The following DNAAF8 variants were observed in gnomAD, a reference collection of about 807,000 sequenced individuals.
DNAAF8 encodes the protein dynein axonemal-associated protein 1.
DNAAF8 carries 61 observed loss-of-function variants against 54.6 expected under a neutral mutation model. The ratio of observed to expected loss-of-function variants is 1.12; its 90% CI spans 0.91 to 1.38. The LOEUF (loss-of-function observed/expected upper bound fraction) is 1.38, where lower values mean the gene tolerates loss of function less well. Ranked by LOEUF, DNAAF8 falls within the 40% of genes most tolerant of loss-of-function variation. The probability of loss-of-function intolerance (pLI) is 0.00; values close to 1 mark genes in which losing one functional copy is unlikely to be tolerated. For missense variants in DNAAF8, 837 were observed against 665.0 expected (o/e 1.26, Z -2.85); for synonymous variants, 320 against 270.1 (o/e 1.18, Z -1.81).
chr16:4,738,635 C>T (rs1412032675), intron 3 of DNAAF8, among the ~76,000 whole-genome samples: 1 of 152,194 alleles, frequency 6.6e-6, no homozygotes, highest in African/African-American at 2.4e-5. Context: ...GTAATCCCAG[C>T]ATTTTAGGAG....
chr16:4,746,196 G>A (rs2082015610), intron 6 of DNAAF8, 179 bp from the exon 7 acceptor site: 1 of 603,858 alleles, frequency 1.7e-6, no homozygotes, highest in South Asian at 2.6e-5. Flanking sequence ...GCCAGTGGTG[G>A]CCTAAATCTC....
Position 4,740,586 on chromosome 16 carries a change from C to T in DNAAF8, c.710C>T (p.Ala237Val), listed in dbSNP as rs375321614. The change falls in exon 4 of 10, where the codon GCT becomes GTT. Residue 237 changes from alanine to valine, a missense_variant. Ala to Val is a moderately conservative substitution (Grantham distance 64, BLOSUM62 0). Transcript: ENST00000299320. ...KGGVKEAPCHAAESAPRSKMP... is the reference protein window; with the variant it reads ...KGGVKEAPCHVAESAPRSKMP... ...GGGGTGAAGGAGGCGCCCTGCCACG[C>T]TGCGGAGTCAGCTCCCAGATCCAAA... 2.9e-5 allele frequency: 47 copies of T among 1,613,314 alleles called. No individual in the cohort carries two copies. The highest frequency in any genetic ancestry group is 4.0e-5 in the Non-Finnish European group (47 of 1,180,010).
intron 5 of DNAAF8, 57 bp from the exon 6 acceptor site, chr16:4,744,813 G>GT (rs2081992585): frequency 2.6e-6 from 4 of 1,563,390 alleles, no homozygotes; most frequent in South Asian, 1.1e-5. Flanking sequence ...TCCAGCTGCT[G>GT]TAAGTCACAA....
chr16:4,745,944 C>A (rs1471102907), intron 6 of DNAAF8, among the ~76,000 whole-genome samples: 2 of 128,360 alleles, frequency 1.6e-5, no homozygotes, highest in Non-Finnish European at 3.3e-5. Flanking sequence ...CAGAGCAAGA[C>A]TCTGTCTCAA....
rs2082028944 is a variant in DNAAF8, at chr16:4,747,227, G to T, written c.1281-116G>T. On this transcript the variant is annotated intron_variant, in intron 8 of 9. Coordinates refer to ENST00000299320, the MANE Select transcript of DNAAF8 (RefSeq NM_139170.3). ...GCAGCAGTGATGGGCTGCCTGAATT[G>T]CATTCTTGCTCTGAAATGGGAGCTG... is the stretch of plus-strand genomic sequence containing the variant. 7 of 1,351,252 alleles carry T rather than the reference G, an allele frequency of 5.2e-6. No homozygotes were observed. The Admixed American group carries it at 6.9e-5, about 13-fold the overall frequency. The allele number at this position is 1,351,252 out of a possible 1,614,324, so 83.7% of individuals were successfully genotyped here. A position where few individuals can be genotyped will look rare whatever the true frequency, so the allele number is the denominator to read the frequency against.
In DNAAF8 at chr16:4,743,096, A is replaced by G. The variant is rs778857131; in HGVS notation, c.837A>G (p.Glu279=). ...DDILQSLAGQ[E]DNQGNRAPGT... ...TCCTTCAGAGTCTGGCGGGACAAGA[A>G]GACAACCAGGGAAATCGTGCACCTG... Residue 279 remains glutamate, a synonymous_variant, in exon 5 of 10, where the codon GAA becomes GAG. Transcript: ENST00000299320. 4.7e-5 allele frequency: 75 copies of G among 1,612,666 alleles called. No individual in the cohort carries two copies. The highest frequency in any genetic ancestry group is 6.1e-5 in the Non-Finnish European group (72 of 1,179,464).
chr16:4,738,279 T>C (rs1282118636), intron 3 of DNAAF8, among the ~76,000 whole-genome samples: 2 of 152,070 alleles, frequency 1.3e-5, no homozygotes, highest in East Asian at 3.9e-4. Flanking sequence ...CCTAATTGTC[T>C]CTCCCTTAAC....
In DNAAF8 at chr16:4,743,150, C is replaced by A. The variant is rs763626655; in HGVS notation, c.891C>A (p.Arg297=). 1 of 1,601,926 alleles carries A rather than the reference C, an allele frequency of 6.2e-7. No individual in the cohort carries two copies. The highest frequency in any genetic ancestry group is 8.5e-7 in the Non-Finnish European group (1 of 1,172,502). The change falls in exon 5 of 10, where the codon CGC becomes CGA. Residue 297 remains arginine (R), a synonymous_variant. Coordinates refer to ENST00000299320, the MANE Select transcript of DNAAF8 (RefSeq NM_139170.3). The part of the protein sequence containing the change: ...PGTVWWAADH[R]QVQDRMVPSA... ...CTGTGTGGTGGGCAGCTGACCACCGCCAAGTTCAAGGTCTGACCTTGAACA... is the reference window on the plus strand; with the variant it reads ...CTGTGTGGTGGGCAGCTGACCACCGACAAGTTCAAGGTCTGACCTTGAACA...
rs551704306 is a variant in DNAAF8, at chr16:4,746,991, G to A, written c.1246G>A (p.Ala416Thr). 4.4e-5 allele frequency: 67 copies of A among 1,540,022 alleles called. No homozygotes were observed. In the South Asian group the frequency reaches 5.4e-4, roughly 12 times the overall value. Residue 416 changes from alanine to threonine, a missense_variant, in exon 8 of 10, where the codon GCA becomes ACA. Physicochemically the swap from Ala to Thr is moderately conservative, Grantham distance 58. Coordinates refer to ENST00000299320, the MANE Select transcript of DNAAF8 (RefSeq NM_139170.3). ...GGAAGAGATGGCAGCTCTGGGAGAC[G>A]CAGAGGGGGCATCTCCTTCCTCCCT... Reference protein sequence around the residue: ...EEEEMAALGDAEGASPSSLGL... With the variant: ...EEEEMAALGDTEGASPSSLGL...
chr16:4,746,437 G>A lies in DNAAF8; in HGVS notation c.1106G>A (p.Arg369Lys). 2 of 1,613,674 alleles carry A rather than the reference G, an allele frequency of 1.2e-6. No individual in the cohort carries two copies. The highest frequency in any genetic ancestry group is 2.2e-5 in the East Asian group (1 of 44,886). The change falls in exon 7 of 10, where the codon AGG becomes AAG. Residue 369 changes from arginine (R) to lysine (K), a missense_variant. By Grantham distance (26) the Arg-to-Lys change is conservative (BLOSUM62 2). Coordinates refer to ENST00000299320, the MANE Select transcript of DNAAF8 (RefSeq NM_139170.3). ...GPGPQLAQGM[R>K]LNAESPTIFI... Reference sequence around the variant, plus strand: ...GGCCCGCAGCTGGCCCAGGGCATGAGGCTTAACGCAGAGTCCCCCACCATC... The same window carrying A: ...GGCCCGCAGCTGGCCCAGGGCATGAAGCTTAACGCAGAGTCCCCCACCATC...
chr16:4,738,089 C>T (rs758725603), intron 3 of DNAAF8, 143 bp downstream of exon 3: 31 of 1,078,070 alleles, frequency 2.9e-5, no homozygotes, highest in Non-Finnish European at 3.9e-5. Context: ...CCAAGGTATT[C>T]AGATGCCCAA....
intron 2 of DNAAF8, among the ~76,000 whole-genome samples, chr16:4,736,929 C>T (rs545285027): frequency 6.6e-6 from 1 of 152,242 alleles, no homozygotes; most frequent in South Asian, 2.1e-4. Flanking sequence ...TGACTTGGAA[C>T]CCAGGTCAAT....
chr16:4,747,017 G>A lies in DNAAF8; in HGVS notation c.1272G>A (p.Leu424=), dbSNP rs372365401. The stretch of plus-strand genomic sequence containing the variant: ...CAGAGGGGGCATCTCCTTCCTCCCT[G>A]GGGCTACGGTAACCACCCAGGGGCC... The part of the protein sequence containing the change: ...GDAEGASPSS[L]GLRTCTGKSQ... Residue 424 remains leucine, a synonymous_variant, in exon 8 of 10, where the codon CTG becomes CTA. Coordinates refer to ENST00000299320, the MANE Select transcript of DNAAF8 (RefSeq NM_139170.3). 1 of 1,529,900 alleles carries A rather than the reference G, an allele frequency of 6.5e-7. No individual in the cohort carries two copies. Among genetic ancestry groups the A allele is most frequent in the Non-Finnish European group, 8.7e-7 (1 of 1,143,146 alleles). 94.8% of individuals were successfully genotyped at this position (1,529,900 alleles called of 1,614,324 possible).
In DNAAF8 at chr16:4,746,970, G is replaced by C. The variant is rs2082025175; in HGVS notation, c.1225G>C (p.Glu409Gln). ...TGACAGTGAGGAGGAGGAGGAGGAA[G>C]AGATGGCAGCTCTGGGAGACGCAGA... Reference protein sequence around the residue: ...SSDSEEEEEEEMAALGDAEGA... With the variant: ...SSDSEEEEEEQMAALGDAEGA... The change falls in exon 8 of 10, where the codon GAG becomes CAG. Residue 409 changes from glutamate (E) to glutamine (Q), a missense_variant. Transcript: ENST00000299320. 6.4e-7 allele frequency: 1 copy of C among 1,554,592 alleles called. No homozygotes were observed. The highest frequency in any genetic ancestry group is 8.7e-7 in the Non-Finnish European group (1 of 1,154,448).
chr16:4,742,049 G>A (rs1222393795), intron 4 of DNAAF8, among the ~76,000 whole-genome samples: 1 of 152,142 alleles, frequency 6.6e-6, no homozygotes, highest in African/African-American at 2.4e-5. Flanking sequence ...TCTCCACTTA[G>A]AGGGCTGCAA....
intron 4 of DNAAF8, 140 bp downstream of exon 4, chr16:4,740,799 T>G (rs969301644): frequency 8.8e-7 from 1 of 1,142,208 alleles, no homozygotes; most frequent in South Asian, 1.6e-5. Flanking sequence ...TCTGTGTACC[T>G]GTCTCAGTAG....
rs772433768 is a variant in DNAAF8 at position 4,744,883 on chromosome 16, G to A, written c.915G>A (p.Pro305=). 2.1e-5 allele frequency: 34 copies of A among 1,613,076 alleles called. No homozygotes were observed. The highest frequency in any genetic ancestry group is 3.3e-5 in the Admixed American group (2 of 59,992). ...DHRQVQDRMV[P]SAHNRLMEQL... ...GGCCATCCTCAGACCGCATGGTGCC[G>A]AGCGCCCACAACAGGCTCATGGAAC... Residue 305 remains proline, a synonymous_variant, in exon 6 of 10, where the codon CCG becomes CCA. Coordinates refer to ENST00000299320, the MANE Select transcript of DNAAF8 (RefSeq NM_139170.3).
intron 4 of DNAAF8, among the ~76,000 whole-genome samples, chr16:4,741,132 G>A (rs2081956236): frequency 6.6e-6 from 1 of 151,254 alleles, no homozygotes; most frequent in African/African-American, 2.4e-5. Flanking sequence ...TACTCAGGAG[G>A]CTGAGGCAGG....
intron 4 of DNAAF8, among the ~76,000 whole-genome samples, chr16:4,741,485 C>T (rs1367984239): frequency 2.0e-5 from 3 of 152,010 alleles, no homozygotes; most frequent in South Asian, 4.1e-4. Flanking sequence ...ATGACAGTGC[C>T]GGTTTAATGA....
Sources: gnomAD v4.1 joint callset for allele counts (sites outside exome capture counted in the v4.1 genomes callset) on GRCh38, gnomAD v4.1.1 for gene constraint, MANE v1.5 for transcripts, NCBI Gene and HGNC (gene_info 2026-07-23, HGNC 2026-07-21) for gene names.